The following SRRM4 variants were observed in gnomAD, a reference collection of about 807,000 sequenced individuals.
SRRM4 encodes the protein serine/arginine repetitive matrix protein 4.
Under a neutral mutation model 68.9 loss-of-function variants are expected in SRRM4, and 33 were observed. The ratio of observed to expected loss-of-function variants is 0.48; its 90% CI spans 0.36 to 0.64. The LOEUF (loss-of-function observed/expected upper bound fraction) is 0.64. SRRM4 is among the 30% of genes least tolerant of loss of function. The probability of loss-of-function intolerance (pLI) is 0.00; values close to 1 mark genes in which losing one functional copy is unlikely to be tolerated. For missense variants in SRRM4, 817 were observed against 827.1 expected (o/e 0.99, Z 0.15); for synonymous variants, 318 against 318.8 (o/e 1.00, Z 0.03).
chr12:119,034,852 T>G (rs893979091), intron 1 of SRRM4, among the ~76,000 whole-genome samples: 1 of 152,194 alleles, frequency 6.6e-6, no homozygotes, highest in Non-Finnish European at 1.5e-5. Flanking sequence ...TTTTGTCATA[T>G]CCCTTAAAAA....
intron 1 of SRRM4, among the ~76,000 whole-genome samples, chr12:119,059,264 A>C (rs1177474687): frequency 6.7e-6 from 1 of 148,336 alleles, no homozygotes; most frequent in Non-Finnish European, 1.5e-5. Flanking sequence ...GCTTTTATTC[A>C]TTCATTCATT....
chr12:119,122,001 A>G (rs1954222494), intron 5 of SRRM4, 69 bp from the exon 6 acceptor site: 1 of 1,024,494 alleles, frequency 9.8e-7, no homozygotes, highest in Admixed American at 1.7e-5. Flanking sequence ...TGTGTTAAGC[A>G]TTTTAACTAC....
intron 1 of SRRM4, among the ~76,000 whole-genome samples, chr12:118,997,513 G>A (rs1168292941): frequency 6.6e-6 from 1 of 152,160 alleles, no homozygotes; most frequent in Non-Finnish European, 1.5e-5. Context: ...CTGTTCTGGA[G>A]AAATCTTTCT....
chr12:119,035,165 T>C (rs546269497), intron 1 of SRRM4, among the ~76,000 whole-genome samples: 101 of 152,338 alleles, frequency 6.6e-4, no homozygotes, highest in African/African-American at 2.3e-3. Flanking sequence ...TTTCTCCTCT[T>C]CAATTGGAAT....
intron 2 of SRRM4, 56 bp from the exon 3 acceptor site, chr12:119,114,222 G>C: frequency 6.7e-7 from 1 of 1,495,506 alleles, no homozygotes; most frequent in Non-Finnish European, 9.2e-7. Flanking sequence ...ACCAGCTCTG[G>C]TTGGGGAGTT....
At chr12:119,043,705 A>G (rs895774097) in intron 1 of SRRM4, among the ~76,000 whole-genome samples, 4 of 151,606 alleles carry the variant, frequency 2.6e-5, no homozygotes, top group Non-Finnish European at 5.9e-5. Flanking sequence ...AAGAAAGGGC[A>G]TGGGGAGAGA....
At chr12:119,018,398 G>A (rs746847240) in intron 1 of SRRM4, among the ~76,000 whole-genome samples, 1 of 152,302 alleles carries the variant, frequency 6.6e-6, no homozygotes, top group African/African-American at 2.4e-5. Flanking sequence ...ATCGACTTCA[G>A]TTGGCCATCT....
At chr12:119,099,183 G>A (rs139733542) in intron 1 of SRRM4, among the ~76,000 whole-genome samples, 24 of 152,190 alleles carry the variant, frequency 1.6e-4, no homozygotes, top group Non-Finnish European at 3.4e-4. Context: ...CACACAGGCT[G>A]GAGTGCAGTG....
chr12:119,063,473 A>T (rs1953826848), intron 1 of SRRM4, among the ~76,000 whole-genome samples: 2 of 152,176 alleles, frequency 1.3e-5, no homozygotes, highest in East Asian at 3.8e-4. Flanking sequence ...TGTAGTTACT[A>T]AGACAGAGGA....
intron 8 of SRRM4, among the ~76,000 whole-genome samples, chr12:119,142,908 C>G (rs1485017369): frequency 6.6e-6 from 1 of 152,154 alleles, no homozygotes; most frequent in Non-Finnish European, 1.5e-5. Flanking sequence ...AAATGCAAAA[C>G]AAGAAGACAA....
chr12:119,155,485 AC>A (rs1954465990), intron 12 of SRRM4, among the ~76,000 whole-genome samples: 1 of 152,144 alleles, frequency 6.6e-6, no homozygotes, highest in Non-Finnish European at 1.5e-5. Context: ...GAATTCCTAA[AC>A]CCTTGGGAGG....
intron 1 of SRRM4, among the ~76,000 whole-genome samples, chr12:119,099,552 T>G (rs1460777702): frequency 1.3e-5 from 2 of 152,256 alleles, no homozygotes; most frequent in Non-Finnish European, 2.9e-5. Flanking sequence ...AACAAATTAT[T>G]CCAAATCTTT....
At chr12:118,982,937 C>A (rs1953259745) in intron 1 of SRRM4, among the ~76,000 whole-genome samples, 2 of 152,042 alleles carry the variant, frequency 1.3e-5, no homozygotes, top group South Asian at 4.1e-4. Context: ...GAAGGCTGTG[C>A]TCTCTGTCAG....
At chr12:119,120,307 A>T in intron 5 of SRRM4, 31 bp downstream of exon 5, 1 of 1,549,768 alleles carries the variant, frequency 6.5e-7, no homozygotes. Context: ...CTGCCTGTTC[A>T]ATTTTCTGCT....
Position 119,154,289 on chromosome 12 carries a change from C to G in SRRM4, c.1438C>G (p.Arg480Gly). 1 of 1,610,590 alleles carries G rather than the reference C, an allele frequency of 6.2e-7. No individual in the cohort carries two copies. Among genetic ancestry groups the G allele is most frequent in the Non-Finnish European group, 8.5e-7 (1 of 1,178,562 alleles). The change falls in exon 12 of 13, where the codon CGC (arginine) becomes GGC (glycine). Residue 480 changes from arginine (R) to glycine (G), a missense_variant. Physicochemically the swap from Arg to Gly is moderately radical, Grantham distance 125 (BLOSUM62 -2). Transcript: ENST00000267260. This position sits in a 1 kb window ranked among gnomAD's most constrained non-coding sequence, Gnocchi z 4.7. ...YSEKDSQQRE[R>G]ERARRRRRSY... ...TGAGAAGGACTCGCAGCAGCGGGAG[C>G]GCGAGCGAGCGCGTCGGAGACGTCG... is the stretch of plus-strand genomic sequence containing the variant.
chr12:118,986,249 A>G (rs113888354), intron 1 of SRRM4, among the ~76,000 whole-genome samples: 47 of 152,320 alleles, frequency 3.1e-4, no homozygotes, highest in African/African-American at 1.0e-3. Context: ...GCCTGTGGTT[A>G]AGAGCCAATG....
At chr12:119,021,795 T>C (rs369851578) in intron 1 of SRRM4, among the ~76,000 whole-genome samples, 206 of 152,382 alleles carry the variant, frequency 1.4e-3, no homozygotes, top group African/African-American at 4.6e-3. Flanking sequence ...TTCCATGGTA[T>C]ATATGTATTA....
intron 2 of SRRM4, among the ~76,000 whole-genome samples, chr12:119,112,074 A>G (rs1954148099): frequency 6.6e-6 from 1 of 152,028 alleles, no homozygotes; most frequent in African/African-American, 2.4e-5. Flanking sequence ...AAGAATTTGG[A>G]AGTAGCCCAT....
chr12:119,047,517 A>G (rs1303568493), intron 1 of SRRM4, among the ~76,000 whole-genome samples: 1 of 152,052 alleles, frequency 6.6e-6, no homozygotes, highest in Non-Finnish European at 1.5e-5. Context: ...CCCAAAGTCC[A>G]TTGAATCATT....
Sources: allele counts gnomAD v4.1 joint callset (sites outside exome capture counted in the v4.1 genomes callset), GRCh38; gene constraint gnomAD v4.1.1; non-coding constraint Gnocchi (gnomAD v3.1); transcripts MANE v1.5; gene names NCBI Gene and HGNC (gene_info 2026-07-23, HGNC 2026-07-21).